PTPN4: variants seen among roughly 807,000 people sequenced by gnomAD.
The protein encoded by PTPN4 is tyrosine-protein phosphatase non-receptor type 4.
Under a neutral mutation model 135.5 loss-of-function variants are expected in PTPN4, and 49 were observed. That is an observed-to-expected ratio of 0.36 (90% CI 0.29 to 0.46). The LOEUF (loss-of-function observed/expected upper bound fraction) is 0.46. PTPN4 is among the 20% of genes least tolerant of loss of function. The pLI is 1.00. For missense variants in PTPN4, 860 were observed against 1,101.0 expected (o/e 0.78, Z 3.10); for synonymous variants, 333 against 369.9 (o/e 0.90, Z 1.14).
intron 24 of PTPN4, among the ~76,000 whole-genome samples, chr2:119,963,542 A>T (rs908082546): frequency 2.0e-5 from 3 of 152,130 alleles, no homozygotes; most frequent in Non-Finnish European, 2.9e-5. Flanking sequence ...GGAAATGAGA[A>T]CTCCCCTCCA....
chr2:119,824,806 G>A (rs1325615780), intron 2 of PTPN4, among the ~76,000 whole-genome samples: 5 of 152,080 alleles, frequency 3.3e-5, no homozygotes, highest in Non-Finnish European at 7.4e-5. Flanking sequence ...TCCTGCCTCA[G>A]CCTCCTGAGT....
chr2:119,971,274 A>C (rs540022097), intron 26 of PTPN4, among the ~76,000 whole-genome samples: 3 of 152,100 alleles, frequency 2.0e-5, no homozygotes, highest in Non-Finnish European at 4.4e-5. Context: ...CTTTCAGACA[A>C]CTATGTCTTG....
At chr2:119,892,443 G>A (rs1027144074) in intron 9 of PTPN4, among the ~76,000 whole-genome samples, 10 of 152,124 alleles carry the variant, frequency 6.6e-5, no homozygotes, top group African/African-American at 2.4e-4. Context: ...ATTGATAGAT[G>A]CTATGAAGAA....
chr2:119,814,980 ATTATT>A (rs2104951651), intron 2 of PTPN4, among the ~76,000 whole-genome samples: 1 of 152,268 alleles, frequency 6.6e-6, no homozygotes, highest in South Asian at 2.1e-4. Context: ...ACACTAGAAA[ATTATT>A]TTATCAGTCA....
intron 2 of PTPN4, among the ~76,000 whole-genome samples, chr2:119,859,283 A>G (rs1170356622): frequency 6.6e-6 from 1 of 151,772 alleles, no homozygotes; most frequent in Non-Finnish European, 1.5e-5. Flanking sequence ...TCTAGTTGGG[A>G]TTTTCCTAGC....
intron 13 of PTPN4, chr2:119,932,145 C>T (rs372867989): frequency 1.5e-5 from 3 of 201,242 alleles, no homozygotes; most frequent in South Asian, 1.2e-4. Context: ...CCCTTTTTAC[C>T]TTTGTCCTTC....
intron 20 of PTPN4, among the ~76,000 whole-genome samples, chr2:119,956,186 A>G (rs1322495205): frequency 6.6e-6 from 1 of 150,668 alleles, no homozygotes; most frequent in Non-Finnish European, 1.5e-5. Context: ...GGATTTTGAA[A>G]TGTTTTATTC....
At chr2:119,836,606 C>T (rs1305504165) in intron 2 of PTPN4, among the ~76,000 whole-genome samples, 1 of 152,210 alleles carries the variant, frequency 6.6e-6, no homozygotes, top group Non-Finnish European at 1.5e-5. Context: ...GAAACCTGCC[C>T]TTCTGGGGGC....
intron 10 of PTPN4, among the ~76,000 whole-genome samples, chr2:119,911,665 G>A (rs981590151): frequency 1.3e-5 from 2 of 151,702 alleles, no homozygotes; most frequent in Non-Finnish European, 2.9e-5. Context: ...AAAGAAAAAG[G>A]AAAAAGGAAT....
At chr2:119,960,775 A>C in intron 22 of PTPN4, 32 bp from the exon 23 acceptor site, 1 of 1,599,232 alleles carries the variant, frequency 6.3e-7, no homozygotes, top group Admixed American at 1.7e-5. Context: ...AGTAATGCAA[A>C]ACATTTTATT....
At chr2:119,794,889 A>G (rs2104938124) in intron 1 of PTPN4, among the ~76,000 whole-genome samples, 1 of 152,326 alleles carries the variant, frequency 6.6e-6, no homozygotes, top group East Asian at 1.9e-4. Context: ...TGAGCGACAG[A>G]GCAGCTCAGA....
chr2:119,826,532 C>T (rs1574354922), intron 2 of PTPN4, among the ~76,000 whole-genome samples: 3 of 152,274 alleles, frequency 2.0e-5, no homozygotes, highest in East Asian at 3.9e-4. Context: ...TTTGTTGTCA[C>T]AGTTGGATGG....
intron 9 of PTPN4, among the ~76,000 whole-genome samples, chr2:119,891,559 A>G (rs1486237200): frequency 6.6e-6 from 1 of 152,156 alleles, no homozygotes; most frequent in African/African-American, 2.4e-5. Context: ...TCCTGACCTC[A>G]GGTGATCCAC....
intron 2 of PTPN4, among the ~76,000 whole-genome samples, chr2:119,827,998 C>T (rs1677169481): frequency 6.6e-6 from 1 of 152,176 alleles, no homozygotes; most frequent in South Asian, 2.1e-4. Flanking sequence ...CACTTTTAAC[C>T]CTGACAGTAA....
intron 13 of PTPN4, among the ~76,000 whole-genome samples, chr2:119,927,878 G>A (rs1678848560): frequency 6.6e-6 from 1 of 152,152 alleles, no homozygotes; most frequent in South Asian, 2.1e-4. Flanking sequence ...GGAGTAAAGG[G>A]AGTTTTGTGT....
At chr2:119,882,773 A>C (rs536459182) in intron 8 of PTPN4, 150 bp downstream of exon 8, 623 of 737,766 alleles carry the variant, frequency 8.4e-4, no homozygotes, top group Non-Finnish European at 1.1e-3. Context: ...TAGGTGATCT[A>C]TGCTAAAAAA....
At chr2:119,804,819 G>A (rs920338613) in intron 1 of PTPN4, among the ~76,000 whole-genome samples, 2 of 152,090 alleles carry the variant, frequency 1.3e-5, no homozygotes, top group African/African-American at 4.8e-5. Flanking sequence ...TGGGTCAAAT[G>A]GTATTTCTAG....
chr2:119,797,726 T>C (rs1691287859), intron 1 of PTPN4, among the ~76,000 whole-genome samples: 1 of 152,222 alleles, frequency 6.6e-6, no homozygotes, highest in Admixed American at 6.5e-5. Flanking sequence ...GTTTTTGCCA[T>C]TTGACCTTTG....
intron 25 of PTPN4, among the ~76,000 whole-genome samples, chr2:119,966,865 A>G (rs897256706): frequency 2.0e-5 from 3 of 152,242 alleles, no homozygotes; most frequent in Admixed American, 6.5e-5. Flanking sequence ...CTTTACTGCT[A>G]CTGATCCAGA....
Sources: gnomAD v4.1 joint callset for allele counts (sites outside exome capture counted in the v4.1 genomes callset) on GRCh38, gnomAD v4.1.1 for gene constraint, MANE v1.5 for transcripts, NCBI Gene and HGNC (gene_info 2026-07-23, HGNC 2026-07-21) for gene names.